Variants in RGS12 observed in about 807,000 individuals in gnomAD.
The protein encoded by RGS12 is regulator of G protein signaling 12.
Under a neutral mutation model 120.1 loss-of-function variants are expected in RGS12, and 66 were observed. That is an observed-to-expected ratio of 0.55 (90% CI 0.45 to 0.67). The LOEUF is 0.67. RGS12 is among the 30% of genes least tolerant of loss of function. The pLI, the probability that RGS12 is intolerant of heterozygous loss-of-function variation, is 0.00. For missense variants in RGS12, 1,859 were observed against 1,957.7 expected (o/e 0.95, Z 0.95); for synonymous variants, 827 against 804.7 (o/e 1.03, Z -0.47).
intron 2 of RGS12, among the ~76,000 whole-genome samples, chr4:3,327,504 A>G (rs576362701): frequency 1.3e-5 from 2 of 152,352 alleles, no homozygotes; most frequent in Admixed American, 1.3e-4. Flanking sequence ...TGCAGGATGG[A>G]AGAAAGTATT....
At chr4:3,309,006 C>G (rs1360577273) in intron 1 of RGS12, among the ~76,000 whole-genome samples, 1 of 148,252 alleles carries the variant, frequency 6.7e-6, no homozygotes, top group Non-Finnish European at 1.5e-5. Flanking sequence ...GGGAACCGGG[C>G]AGGGGAGGAG....
Position 3,317,721 on chromosome 4 carries a change from C to T in RGS12, c.1551C>T (p.Ser517=). ...PVEVPPASLR[S]SVPPSKRGTV... ...AGGTGCCCCCAGCTTCCTTGAGGAG[C>T]TCAGTCCCCCCTTCCAAGAGGGGCA... The change falls in exon 2 of 18, where the codon AGC becomes AGT. Residue 517 remains serine, a synonymous_variant. Transcript: ENST00000336727. 6.2e-7 allele frequency: 1 copy of T among 1,613,492 alleles called. No individual in the cohort carries two copies. Among genetic ancestry groups the T allele is most frequent in the Non-Finnish European group, 8.5e-7 (1 of 1,179,966 alleles).
rs764361044 is a variant in RGS12 at position 3,430,811 on chromosome 4, G to A, written c.3970G>A (p.Val1324Met). ...GATCTGGAAGAGGCAGTCTCAGGAA[G>A]TGGAGGCCGGGGGCATCCAGACGGT... ...AQIWKRQSQE[V>M]EAGGIQTVED... The change falls in exon 17 of 18, where the codon GTG becomes ATG. Residue 1324 changes from valine to methionine, a missense_variant. By Grantham distance (21) the Val-to-Met change is conservative. Transcript: ENST00000336727. The A allele has an allele frequency of 1.9e-6, 3 of 1,612,064 alleles. No individual in the cohort carries two copies. The East Asian group carries it at 6.7e-5, about 36-fold the overall frequency.
intron 15 of RGS12, 106 bp downstream of exon 15, chr4:3,428,275 T>G: frequency 9.4e-7 from 1 of 1,060,532 alleles, no homozygotes. Flanking sequence ...TATCACTGTG[T>G]GTCTCCCCCA....
At chr4:3,383,374 A>G (rs1287028337) in intron 3 of RGS12, among the ~76,000 whole-genome samples, 1 of 152,118 alleles carries the variant, frequency 6.6e-6, no homozygotes, top group East Asian at 1.9e-4. Context: ...TGAGAGGTCA[A>G]GGTGGGAGGA....
chr4:3,360,550 C>T (rs776269400), intron 3 of RGS12, among the ~76,000 whole-genome samples: 2 of 152,044 alleles, frequency 1.3e-5, no homozygotes, highest in African/African-American at 2.4e-5. Context: ...GTGTTCCATA[C>T]GTTTTGGTAT....
chr4:3,332,558 A>G (rs1711979773), intron 2 of RGS12, among the ~76,000 whole-genome samples: 1 of 152,192 alleles, frequency 6.6e-6, no homozygotes, highest in Non-Finnish European at 1.5e-5. Flanking sequence ...GGAGCTGTAA[A>G]GTGGTGTCTC....
chr4:3,361,605 G>A (rs964153317), intron 3 of RGS12, among the ~76,000 whole-genome samples: 5 of 152,178 alleles, frequency 3.3e-5, no homozygotes, highest in South Asian at 2.1e-4. Context: ...ATGAACTGGC[G>A]CCAGGTAGCA....
rs773431367 is a variant in RGS12, at chr4:3,316,979, C to T, written c.809C>T (p.Ser270Leu). 8.7e-6 allele frequency: 14 copies of T among 1,613,722 alleles called. No individual in the cohort carries two copies. The highest frequency in any genetic ancestry group is 1.7e-5 in the Admixed American group (1 of 60,016). The change falls in exon 2 of 18, where the codon TCG (serine) becomes TTG (leucine). Residue 270 changes from serine to leucine, a missense_variant. Transcript: ENST00000336727. ...CTGCGGGCAGAGCAGAAAATCCACT[C>T]GCTGGTGACCATGAAGATCATGCAC... ...RRLRAEQKIH[S>L]LVTMKIMHDC...
intron 17 of RGS12, chr4:3,432,283 T>A: frequency 1.6e-6 from 1 of 643,842 alleles, no homozygotes; most frequent in Non-Finnish European, 1.9e-6. Flanking sequence ...GGAGATTAAG[T>A]GGATTTACCG....
At position 3,317,814 on chromosome 4, in the gene RGS12, C is replaced by T. The variant is rs536856659; in HGVS notation, c.1644C>T (p.Cys548=). ...LPVHVLREWQ[C]GHTSDQDSYT... ...TCCACGTGCTCCGGGAGTGGCAGTGCGGACACACCAGCGACCAGGACTCTT... is the reference window on the plus strand; with the variant it reads ...TCCACGTGCTCCGGGAGTGGCAGTGTGGACACACCAGCGACCAGGACTCTT... Residue 548 remains cysteine (C), a synonymous_variant, in exon 2 of 18, where the codon TGC becomes TGT. Coordinates refer to ENST00000336727, the MANE Select transcript of RGS12 (RefSeq NM_001394154.1). 32 of 1,613,058 alleles carry T rather than the reference C, an allele frequency of 2.0e-5. No homozygotes were observed. The Admixed American group carries it at 2.2e-4, about 11-fold the overall frequency.
chr4:3,379,144 G>A (rs1386694401), intron 3 of RGS12, among the ~76,000 whole-genome samples: 1 of 152,124 alleles, frequency 6.6e-6, no homozygotes, highest in Admixed American at 6.5e-5. Flanking sequence ...TCACTTACAT[G>A]TGGACTCTAA....
chr4:3,316,463 G>A lies in RGS12; in HGVS notation c.293G>A (p.Gly98Asp), dbSNP rs1724759598. 6.2e-7 allele frequency: 1 copy of A among 1,614,062 alleles called. No individual in the cohort carries two copies. Among genetic ancestry groups the A allele is most frequent in the Admixed American group, 1.7e-5 (1 of 60,012 alleles). ...GTCCTTCACATGGTGATTGCTGAAG[G>A]CGTCGGCCGCTTCGAATCCTGTTCC... is the stretch of plus-strand genomic sequence containing the variant. Reference protein sequence around the residue: ...SGVLHMVIAEGVGRFESCSSD... With the variant: ...SGVLHMVIAEDVGRFESCSSD... Residue 98 changes from glycine (G) to aspartate (D), a missense_variant, in exon 2 of 18, where the codon GGC becomes GAC. By Grantham distance (94) the Gly-to-Asp change is moderately conservative. Coordinates refer to ENST00000336727, the MANE Select transcript of RGS12 (RefSeq NM_001394154.1).
upstream of RGS12, among the ~76,000 whole-genome samples, chr4:3,290,575 C>G (rs937917737): frequency 6.6e-6 from 1 of 152,274 alleles, no homozygotes. Context: ...CCCCGAGTCC[C>G]GTGGAAGAAT....
rs923338662 is a variant in RGS12 at position 3,301,062 on chromosome 4, G to A, written c.-102+7963G>A. On this transcript the variant is annotated intron_variant, in intron 1 of 17. Transcript: ENST00000336727. ...CCTCTGTAACACGGGGTCTGTCCCC[G>A]GCTGCCCTCCTCTGTAACACGGGGT... Among the ~76,000 whole-genome samples, 4 of 152,046 alleles carry A rather than the reference G, an allele frequency of 2.6e-5. No individual in the cohort carries two copies. The South Asian group carries it at 6.2e-4, about 24-fold the overall frequency.
chr4:3,297,026 C>G (rs1723420631), intron 1 of RGS12, among the ~76,000 whole-genome samples: 1 of 152,252 alleles, frequency 6.6e-6, no homozygotes, highest in Non-Finnish European at 1.5e-5. Context: ...TTGCCTCGGG[C>G]TCCGGGCAAG....
At chr4:3,340,060 T>A (rs1161447748) in intron 2 of RGS12, among the ~76,000 whole-genome samples, 1 of 152,226 alleles carries the variant, frequency 6.6e-6, no homozygotes, top group African/African-American at 2.4e-5. Context: ...CATTTCCCGT[T>A]ATTGCTGTTG....
At chr4:3,356,182 A>G (rs533256099) in intron 3 of RGS12, among the ~76,000 whole-genome samples, 8 of 150,512 alleles carry the variant, frequency 5.3e-5, no homozygotes, top group African/African-American at 2.0e-4. Flanking sequence ...GCCCCCTCAT[A>G]TAGCTGGGAG....
chr4:3,394,147 C>T (rs1577040470), intron 4 of RGS12, among the ~76,000 whole-genome samples: 1 of 152,242 alleles, frequency 6.6e-6, no homozygotes, highest in Middle Eastern at 3.4e-3. Flanking sequence ...CATCCGTCTG[C>T]TCCTTCAGCA....
Sources: allele counts gnomAD v4.1 joint callset (sites outside exome capture counted in the v4.1 genomes callset), GRCh38; gene constraint gnomAD v4.1.1; transcripts MANE v1.5; gene names NCBI Gene and HGNC (gene_info 2026-07-23, HGNC 2026-07-21).